RYR3: variants seen among roughly 807,000 people sequenced by gnomAD.
RYR3 encodes brain ryanodine receptor-calcium release channel.
In RYR3, 207 loss-of-function variants were observed where a neutral mutation model predicts 584.3. The ratio of observed to expected loss-of-function variants is 0.35; its 90% CI spans 0.32 to 0.40. RYR3 has a LOEUF of 0.40. Ranked by LOEUF, RYR3 falls within the 10% of genes least tolerant of loss-of-function variation. RYR3 has a pLI of 1.00. For synonymous variants in RYR3, 2,416 were observed against 2,248.5 expected (o/e 1.07, Z -2.11); for missense variants, 5,616 against 6,089.2 (o/e 0.92, Z 2.59).
At chr15:33,660,464 G>A in intron 34 of RYR3, 41 bp downstream of exon 34, 4 of 1,396,076 alleles carry the variant, frequency 2.9e-6, no homozygotes, top group Non-Finnish European at 3.9e-6. Context: ...GGCCTGAGGG[G>A]CAGGTGAGGC....
At chr15:33,336,353 A>G (rs917158743) in intron 1 of RYR3, among the ~76,000 whole-genome samples, 8 of 150,742 alleles carry the variant, frequency 5.3e-5, no homozygotes, top group Admixed American at 2.0e-4. Flanking sequence ...AATCACTTCA[A>G]CCTGGGAGGC....
chr15:33,832,682 C>T (rs1455029605), intron 86 of RYR3, among the ~76,000 whole-genome samples: 1 of 148,174 alleles, frequency 6.7e-6, no homozygotes, highest in Non-Finnish European at 1.5e-5. Context: ...ACCCTACATA[C>T]GTATGAGTTC....
chr15:33,439,398 C>T (rs2046022836), intron 1 of RYR3, among the ~76,000 whole-genome samples: 1 of 152,102 alleles, frequency 6.6e-6, no homozygotes, highest in South Asian at 2.1e-4. Flanking sequence ...GAGCAAGTTC[C>T]TGTAAATTCC....
rs551339092 is a variant in RYR3 at position 33,655,569 on chromosome 15, G to A, written c.4308+2686G>A. ...TCTGGGTGACATAGGCTGGTCAGTT[G>A]TCTTCTTTTGGCTGGGTGCTGGTAC... is the stretch of plus-strand genomic sequence containing the variant. On this transcript the variant is annotated intron_variant, in intron 32 of 103. Transcript: ENST00000634891. 1.4e-4 allele frequency among the ~76,000 whole-genome samples: 22 copies of A among 152,312 alleles called. No homozygotes were observed. The South Asian group carries it at 3.1e-3, about 22-fold the overall frequency.
Position 33,580,160 on chromosome 15 carries a change from A to G in RYR3, c.1437+16A>G. The G allele has an allele frequency of 6.4e-7, 1 of 1,572,666 alleles. No individual in the cohort carries two copies. The highest frequency in any genetic ancestry group is 1.2e-5 in the South Asian group (1 of 85,772). ...CAAGGAAGAGGTAAGTCGAAAAATG[A>G]AAAGTTGAAATTCACTTAGTGTCCA... On this transcript the variant is annotated intron_variant, in intron 13 of 103. Transcript: ENST00000634891.
chr15:33,344,647 T>C (rs928081476), intron 1 of RYR3, among the ~76,000 whole-genome samples: 1 of 152,150 alleles, frequency 6.6e-6, no homozygotes, highest in Non-Finnish European at 1.5e-5. Context: ...GACTTTAATT[T>C]CAGAGGCTGG....
chr15:33,695,959 TTTTTTTTTTTTTTTTG>T (rs1208243541), intron 38 of RYR3, among the ~76,000 whole-genome samples: 1 of 105,496 alleles, frequency 9.5e-6, no homozygotes, highest in Non-Finnish European at 2.2e-5. Context: ...TTTTTTTTTT[TTTTTTTTTTTTTTTTG>T]GTAGCAACAG....
At chr15:33,479,487 T>G (rs1026921357) in intron 2 of RYR3, among the ~76,000 whole-genome samples, 2 of 94,590 alleles carry the variant, frequency 2.1e-5, no homozygotes, top group Non-Finnish European at 3.6e-5. Context: ...AGATTTTGAC[T>G]TTTTTTTTTT....
intron 31 of RYR3, among the ~76,000 whole-genome samples, 152 bp downstream of exon 31, chr15:33,649,387 A>G (rs2062319847): frequency 6.6e-6 from 1 of 152,232 alleles, no homozygotes; most frequent in Non-Finnish European, 1.5e-5. Flanking sequence ...ACAAACCGGT[A>G]CTATGACAGT....
At chr15:33,848,950 C>G (rs1431521559) in intron 94 of RYR3, 3 of 151,006 alleles carry the variant, frequency 2.0e-5, no homozygotes, top group Admixed American at 6.7e-5. Flanking sequence ...ATTCTCCTGC[C>G]TTAGCCTCCC....
At position 33,660,267 on chromosome 15, in the gene RYR3, G is replaced by A. The variant is rs370542262; in HGVS notation, c.4466G>A (p.Arg1489Gln). The change falls in exon 34 of 104, where the codon CGG becomes CAG. Residue 1489 changes from arginine (R) to glutamine (Q), a missense_variant. Transcript: ENST00000634891. ...EKNPVPQCPP[R>Q]LDVQTIQPVL... Reference sequence around the variant, plus strand: ...AACCCAGTCCCACAGTGTCCACCTCGGCTGGACGTCCAAACCATCCAGCCC... The same window carrying A: ...AACCCAGTCCCACAGTGTCCACCTCAGCTGGACGTCCAAACCATCCAGCCC... 23 of 1,556,330 alleles carry A rather than the reference G, an allele frequency of 1.5e-5. No homozygotes were observed. Among genetic ancestry groups the A allele is most frequent in the Middle Eastern group, 1.7e-4 (1 of 6,026 alleles).
At chr15:33,764,396 A>G (rs1417760153) in intron 60 of RYR3, among the ~76,000 whole-genome samples, 4 of 152,050 alleles carry the variant, frequency 2.6e-5, no homozygotes, top group South Asian at 2.1e-4. Context: ...ATAGACACAG[A>G]GAGGGGAACA....
intron 75 of RYR3, among the ~76,000 whole-genome samples, 155 bp from the exon 76 acceptor site, chr15:33,818,423 C>T (rs1273367317): frequency 1.3e-5 from 2 of 152,210 alleles, no homozygotes; most frequent in Non-Finnish European, 2.9e-5. Context: ...TTTAGGGCTT[C>T]TATCCTGAAA....
chr15:33,844,886 GA>G lies in RYR3; in HGVS notation c.13322del (p.Glu4441GlyfsTer49), dbSNP rs2078616433. On this transcript the variant is annotated frameshift_variant, in exon 93 of 104. Coordinates refer to ENST00000634891, the MANE Select transcript of RYR3 (RefSeq NM_001036.6). LOFTEE classifies it high-confidence loss of function. Reference sequence around the variant, plus strand: ...GGTCACTGAAGAACCTTTAGAAGAAGAGACAGAGGATGTTGCAAACCTATGG... The same window carrying G: ...GGTCACTGAAGAACCTTTAGAAGAAGGACAGAGGATGTTGCAAACCTATGG... ...YKVTEEPLEE[E>X]TEDVANLWNS... 1 of 1,610,066 alleles carries G rather than the reference GA, an allele frequency of 6.2e-7. No individual in the cohort carries two copies. Among genetic ancestry groups the G allele is most frequent in the African/African-American group, 1.3e-5 (1 of 74,814 alleles).
Position 33,662,915 on chromosome 15 carries a change from G to T in RYR3, c.5385G>T (p.Leu1795Phe). The T allele has an allele frequency of 6.2e-7, 1 of 1,613,182 alleles. No homozygotes were observed. The stretch of plus-strand genomic sequence containing the variant: ...AGGAGGCTCCTGTCAAAGGCTTGTT[G>T]CAGACTCGATTACCCGAATCCGTCA... Reference protein sequence around the residue: ...AGKEAPVKGLLQTRLPESVKL... With the variant: ...AGKEAPVKGLFQTRLPESVKL... The change falls in exon 35 of 104, where the codon TTG becomes TTT. Residue 1795 changes from leucine (L) to phenylalanine (F), a missense_variant. Coordinates refer to ENST00000634891, the MANE Select transcript of RYR3 (RefSeq NM_001036.6).
intron 1 of RYR3, among the ~76,000 whole-genome samples, chr15:33,447,695 C>G (rs973374286): frequency 6.6e-6 from 1 of 152,262 alleles, no homozygotes; most frequent in Admixed American, 6.5e-5. Context: ...AAATTCAGTT[C>G]CCCAGTGACA....
At chr15:33,544,980 A>G (rs1032280619) in intron 8 of RYR3, among the ~76,000 whole-genome samples, 9 of 152,250 alleles carry the variant, frequency 5.9e-5, no homozygotes, top group Admixed American at 3.9e-4. Context: ...CAATATTGAA[A>G]CTATACAATA....
At chr15:33,734,636 A>AGCT (rs936629422) in intron 48 of RYR3, among the ~76,000 whole-genome samples, 1 of 151,410 alleles carries the variant, frequency 6.6e-6, no homozygotes, top group African/African-American at 2.4e-5. Flanking sequence ...GACTGATTTG[A>AGCT]GCTGCAAATA....
intron 57 of RYR3, among the ~76,000 whole-genome samples, chr15:33,752,943 A>G (rs540604709): frequency 4.0e-5 from 6 of 151,012 alleles, no homozygotes; most frequent in Non-Finnish European, 8.8e-5. Context: ...GAGATGTTCC[A>G]TCAATACCTA....
Sources: gnomAD v4.1 joint callset for allele counts (sites outside exome capture counted in the v4.1 genomes callset) on GRCh38, gnomAD v4.1.1 for gene constraint, MANE v1.5 for transcripts, NCBI Gene and HGNC (gene_info 2026-07-23, HGNC 2026-07-21) for gene names.